The following SIPA1L1 variants were observed in gnomAD, a reference collection of about 807,000 sequenced individuals.
SIPA1L1 encodes the protein signal induced proliferation associated 1 like 1.
In SIPA1L1, 26 loss-of-function variants were observed where a neutral mutation model predicts 162.7. The ratio of observed to expected loss-of-function variants is 0.16; its 90% CI spans 0.12 to 0.22. SIPA1L1 has a LOEUF of 0.22. SIPA1L1 is among the 10% of genes least tolerant of loss of function. SIPA1L1 has a pLI of 1.00. For missense variants in SIPA1L1, 1,874 were observed against 2,241.0 expected, an observed-to-expected ratio of 0.84 and a Z score of 3.31; for synonymous variants, 829 against 837.4, an observed-to-expected ratio of 0.99 and a Z score of 0.17.
At chr14:71,649,016 G>A (rs750813140) in intron 7 of SIPA1L1, among the ~76,000 whole-genome samples, 18 of 152,174 alleles carry the variant, frequency 1.2e-4, no homozygotes, top group Non-Finnish European at 1.9e-4. Context: ...AACACTGCAC[G>A]TAGTGCCTGG....
At chr14:71,717,297 G>T (rs2083348078) in intron 17 of SIPA1L1, among the ~76,000 whole-genome samples, 1 of 152,148 alleles carries the variant, frequency 6.6e-6, no homozygotes, top group Admixed American at 6.5e-5. Context: ...TCCTTTTTAG[G>T]AAAGGAGAAA....
intron 3 of SIPA1L1, among the ~76,000 whole-genome samples, chr14:71,518,164 G>C (rs2051931594): frequency 1.3e-5 from 2 of 151,896 alleles, no homozygotes; most frequent in Admixed American, 1.3e-4. Context: ...CACACGTGTA[G>C]TTTCAGTTAC....
chr14:71,420,514 C>G (rs1471414986), intron 2 of SIPA1L1, among the ~76,000 whole-genome samples: 1 of 152,186 alleles, frequency 6.6e-6, no homozygotes, highest in Non-Finnish European at 1.5e-5. Flanking sequence ...GCACACAGAT[C>G]AAAGTAAAAA....
At chr14:71,353,080 A>G (rs543335168) in intron 2 of SIPA1L1, among the ~76,000 whole-genome samples, 38 of 152,396 alleles carry the variant, frequency 2.5e-4, no homozygotes, top group African/African-American at 8.7e-4. Context: ...GAATTTCACC[A>G]TATGCAAATT....
At chr14:71,681,496 C>T (rs940846835) in intron 12 of SIPA1L1, among the ~76,000 whole-genome samples, 4 of 152,162 alleles carry the variant, frequency 2.6e-5, no homozygotes, top group African/African-American at 9.7e-5. Flanking sequence ...ACCAAATTAC[C>T]TCTTAAATAA....
intron 4 of SIPA1L1, among the ~76,000 whole-genome samples, chr14:71,553,552 G>C (rs1049508539): frequency 1.2e-4 from 19 of 152,200 alleles, no homozygotes; most frequent in African/African-American, 4.3e-4. Flanking sequence ...GATAGGAAAG[G>C]CATGTTTTTC....
intron 5 of SIPA1L1, among the ~76,000 whole-genome samples, chr14:71,604,717 T>C (rs557833090): frequency 6.6e-6 from 1 of 152,262 alleles, no homozygotes; most frequent in South Asian, 2.1e-4. Flanking sequence ...TTCTAATATA[T>C]CTTCCCATTC....
intron 2 of SIPA1L1, among the ~76,000 whole-genome samples, chr14:71,440,084 G>C (rs1192447354): frequency 2.0e-5 from 3 of 152,128 alleles, no homozygotes; most frequent in Non-Finnish European, 4.4e-5. Context: ...AAGCTGGAGT[G>C]GCGCCATCTC....
chr14:71,695,242 A>G (rs761674412), intron 13 of SIPA1L1, among the ~76,000 whole-genome samples: 1 of 152,238 alleles, frequency 6.6e-6, no homozygotes, highest in Non-Finnish European at 1.5e-5. Flanking sequence ...CTAGAGTCAT[A>G]AAAACATTTG....
At chr14:71,524,106 T>G (rs2052623441) in intron 3 of SIPA1L1, among the ~76,000 whole-genome samples, 1 of 150,286 alleles carries the variant, frequency 6.7e-6, no homozygotes, top group Admixed American at 6.7e-5. Context: ...TATGTATGTA[T>G]ACACATATCT....
chr14:71,714,793 G>T (rs1369193313), intron 17 of SIPA1L1, among the ~76,000 whole-genome samples: 2 of 152,128 alleles, frequency 1.3e-5, no homozygotes, highest in African/African-American at 4.8e-5. Flanking sequence ...TGTTGCCCAG[G>T]CTGGTCTCAT....
chr14:71,626,376 G>A (rs2039985871), intron 7 of SIPA1L1, among the ~76,000 whole-genome samples: 1 of 152,150 alleles, frequency 6.6e-6, no homozygotes. Flanking sequence ...AGCACCGGGG[G>A]TTAGCCTCTG....
At chr14:71,374,306 G>A (rs541773526) in intron 2 of SIPA1L1, among the ~76,000 whole-genome samples, 1 of 152,142 alleles carries the variant, frequency 6.6e-6, no homozygotes, top group Non-Finnish European at 1.5e-5. Flanking sequence ...TTATCAGTAA[G>A]AGTTAATTTT....
chr14:71,658,430 A>G lies in SIPA1L1; in HGVS notation c.2091A>G (p.Lys697=), dbSNP rs778132111. Residue 697 remains lysine (K), a synonymous_variant, in exon 9 of 24, where the codon AAA becomes AAG. Transcript: ENST00000381232. ...STMLPYTPNN[K]QQLLRKRHIG... Reference sequence around the variant, plus strand: ...TGCTGCCATACACACCCAACAACAAACAACAGGTAAGAGATCCTCCTGTTA... The same window carrying G: ...TGCTGCCATACACACCCAACAACAAGCAACAGGTAAGAGATCCTCCTGTTA... The G allele has an allele frequency of 7.0e-6, 11 of 1,565,856 alleles. No homozygotes were observed. Among genetic ancestry groups the G allele is most frequent in the South Asian group, 1.1e-5 (1 of 90,020 alleles).
chr14:71,458,596 A>G (rs1226071110), intron 2 of SIPA1L1, among the ~76,000 whole-genome samples: 3 of 152,172 alleles, frequency 2.0e-5, no homozygotes, highest in Admixed American at 2.0e-4. Context: ...TAAGAAGTGG[A>G]AGTAAAATGA....
chr14:71,530,143 T>G (rs1364043421), intron 4 of SIPA1L1, among the ~76,000 whole-genome samples: 1 of 152,228 alleles, frequency 6.6e-6, no homozygotes, highest in Non-Finnish European at 1.5e-5. Flanking sequence ...AGTCTCCATT[T>G]TATTTTTAGT....
At chr14:71,553,392 T>C (rs957432956) in intron 4 of SIPA1L1, among the ~76,000 whole-genome samples, 2 of 152,244 alleles carry the variant, frequency 1.3e-5, no homozygotes, top group Admixed American at 6.5e-5. Flanking sequence ...ACCATGGAGC[T>C]AAACACTTTG....
At chr14:71,661,261 G>T in intron 9 of SIPA1L1, 49 bp from the exon 10 acceptor site, 1 of 1,592,378 alleles carries the variant, frequency 6.3e-7, no homozygotes, top group Admixed American at 1.7e-5. Context: ...GGGGTGGCGG[G>T]GGAAGCAAAT....
intron 7 of SIPA1L1, among the ~76,000 whole-genome samples, chr14:71,626,231 G>A (rs2039970531): frequency 1.3e-5 from 2 of 152,188 alleles, no homozygotes; most frequent in South Asian, 4.2e-4. Flanking sequence ...ATTTTACTTT[G>A]AAAGTAAGTG....
Sources: gnomAD v4.1 joint callset for allele counts (sites outside exome capture counted in the v4.1 genomes callset) on GRCh38, gnomAD v4.1.1 for gene constraint, MANE v1.5 for transcripts, NCBI Gene and HGNC (gene_info 2026-07-23, HGNC 2026-07-21) for gene names.